STXBP5L: variants seen among roughly 807,000 people sequenced by gnomAD.
STXBP5L encodes syntaxin binding protein 5L.
STXBP5L carries 65 observed loss-of-function variants against 144.5 expected under a neutral mutation model. The ratio of observed to expected loss-of-function variants is 0.45; its 90% CI spans 0.37 to 0.55. STXBP5L has a LOEUF of 0.55. STXBP5L is among the 20% of genes least tolerant of loss of function. STXBP5L has a pLI of 0.00. For missense variants in STXBP5L, 1,298 were observed against 1,405.5 expected, an observed-to-expected ratio of 0.92 and a Z score of 1.22; for synonymous variants, 505 against 469.6, an observed-to-expected ratio of 1.08 and a Z score of -0.97.
chr3:121,405,031 T>G (rs757862656), intron 22 of STXBP5L, among the ~76,000 whole-genome samples: 2 of 152,132 alleles, frequency 1.3e-5, no homozygotes, highest in Non-Finnish European at 2.9e-5. Context: ...CTTTCCTTTG[T>G]GTACACATAG....
intron 20 of STXBP5L, among the ~76,000 whole-genome samples, chr3:121,345,643 T>C (rs982890231): frequency 1.2e-4 from 18 of 152,214 alleles, no homozygotes; most frequent in Admixed American, 3.9e-4. Context: ...AAAGCGTGCC[T>C]ATTTCTCCAC....
At chr3:121,058,442 G>A (rs1948603453) in intron 5 of STXBP5L, among the ~76,000 whole-genome samples, 2 of 152,106 alleles carry the variant, frequency 1.3e-5, no homozygotes, top group Non-Finnish European at 2.9e-5. Context: ...GCATGCATGT[G>A]CATGTGTCTT....
At chr3:120,932,846 A>G (rs1576439919) in intron 2 of STXBP5L, among the ~76,000 whole-genome samples, 1 of 152,084 alleles carries the variant, frequency 6.6e-6, no homozygotes. Flanking sequence ...GCACATATAC[A>G]CCATGGAATA....
At chr3:121,293,040 T>A (rs535997941) in intron 19 of STXBP5L, among the ~76,000 whole-genome samples, 17 of 152,076 alleles carry the variant, frequency 1.1e-4, no homozygotes, top group Admixed American at 3.3e-4. Flanking sequence ...GAAAAAAAAA[T>A]TTTAAATTTT....
chr3:121,200,414 C>A (rs1334484981), intron 9 of STXBP5L, among the ~76,000 whole-genome samples: 5 of 152,002 alleles, frequency 3.3e-5, no homozygotes, highest in Non-Finnish European at 7.4e-5. Context: ...TTTTGTTAAG[C>A]TTTTCAAAAA....
At chr3:121,396,842 G>A (rs965607254) in intron 22 of STXBP5L, among the ~76,000 whole-genome samples, 1 of 152,162 alleles carries the variant, frequency 6.6e-6, no homozygotes, top group South Asian at 2.1e-4. Flanking sequence ...ATGTAAAAAG[G>A]GTGCATTCTA....
At chr3:121,370,222 G>A (rs924684075) in intron 20 of STXBP5L, among the ~76,000 whole-genome samples, 1 of 152,106 alleles carries the variant, frequency 6.6e-6, no homozygotes, top group African/African-American at 2.4e-5. Flanking sequence ...AAAAAAATTA[G>A]CCAGGCATGA....
chr3:121,005,261 C>T (rs917272560), intron 3 of STXBP5L, among the ~76,000 whole-genome samples: 4 of 152,110 alleles, frequency 2.6e-5, no homozygotes, highest in East Asian at 1.9e-4. Context: ...TATTCAACTT[C>T]TTCCTTATTT....
At chr3:121,330,638 C>T (rs1052280762) in intron 20 of STXBP5L, among the ~76,000 whole-genome samples, 1 of 152,156 alleles carries the variant, frequency 6.6e-6, no homozygotes, top group Admixed American at 6.5e-5. Context: ...CCACCATTAC[C>T]ACCACAGCTG....
At chr3:121,081,271 T>A (rs1017382404) in intron 5 of STXBP5L, among the ~76,000 whole-genome samples, 3 of 152,176 alleles carry the variant, frequency 2.0e-5, no homozygotes, top group Admixed American at 2.0e-4. Context: ...TTTAAAAAAT[T>A]TCTTTGTGTT....
rs10717806 is a variant in STXBP5L, at chr3:121,194,909, CTTTTTTTTTTT to C, written c.878-10999_878-10989del. On this transcript the variant is annotated intron_variant, in intron 9 of 26. Transcript: ENST00000471454. The stretch of plus-strand genomic sequence containing the variant: ...TCTGAGATAGGTCCCTCTTTTCACT[CTTTTTTTTTTT>C]TTTTTTTTTTTTTTGAGATGAAGTC... 2.6e-4 allele frequency among the ~76,000 whole-genome samples: 18 copies of C among 68,496 alleles called. No homozygotes were observed. The South Asian group carries it at 9.9e-3, about 38-fold the overall frequency. 44.9% of individuals were successfully genotyped at this position (68,496 alleles called of 152,430 possible).
chr3:121,070,566 A>G (rs1382970968), intron 5 of STXBP5L, among the ~76,000 whole-genome samples: 5 of 151,968 alleles, frequency 3.3e-5, no homozygotes, highest in African/African-American at 9.7e-5. Flanking sequence ...CTCGACACAA[A>G]TGTAGATTAG....
At chr3:121,073,774 A>G (rs1464322230) in intron 5 of STXBP5L, among the ~76,000 whole-genome samples, 4 of 152,152 alleles carry the variant, frequency 2.6e-5, no homozygotes, top group Non-Finnish European at 2.9e-5. Context: ...GTAATTTGGA[A>G]TCCAAATGTG....
chr3:121,087,582 C>A (rs2042558581), intron 5 of STXBP5L, among the ~76,000 whole-genome samples: 1 of 151,912 alleles, frequency 6.6e-6, no homozygotes, highest in Non-Finnish European at 1.5e-5. Flanking sequence ...AAGTGTATTT[C>A]TTATAGACAA....
rs1409176812 is a variant in STXBP5L, at chr3:121,250,538, G to A, written c.1401-185G>A. ...TTCTTTTTCTAATCTTTAGATTTTA[G>A]TATATTGTTTAAGAAATGAGCCATT... is the stretch of plus-strand genomic sequence containing the variant. On this transcript the variant is annotated intron_variant, in intron 14 of 26. Coordinates refer to ENST00000471454, the MANE Select transcript of STXBP5L (RefSeq NM_001308330.2). Among the ~76,000 whole-genome samples the A allele has an allele frequency of 3.3e-5, 5 of 151,994 alleles. No homozygotes were observed. The South Asian group carries it at 1.0e-3, about 32-fold the overall frequency.
At chr3:120,937,986 TC>T (rs1170883059) in intron 2 of STXBP5L, among the ~76,000 whole-genome samples, 1 of 152,114 alleles carries the variant, frequency 6.6e-6, no homozygotes, top group African/African-American at 2.4e-5. Flanking sequence ...TTAAGATGTA[TC>T]CAGCATTCTT....
intron 18 of STXBP5L, among the ~76,000 whole-genome samples, chr3:121,263,175 C>T (rs983118873): frequency 6.6e-6 from 1 of 152,204 alleles, no homozygotes; most frequent in Non-Finnish European, 1.5e-5. Flanking sequence ...CCCAGGCAAA[C>T]AGGTTCTGGA....
intron 9 of STXBP5L, among the ~76,000 whole-genome samples, chr3:121,168,901 G>A (rs1577102491): frequency 6.6e-6 from 1 of 152,196 alleles, no homozygotes; most frequent in East Asian, 1.9e-4. Context: ...ATTTACCAAG[G>A]TTAAAATGAA....
intron 20 of STXBP5L, among the ~76,000 whole-genome samples, chr3:121,324,785 A>G (rs1250218766): frequency 6.6e-6 from 1 of 152,094 alleles, no homozygotes; most frequent in East Asian, 1.9e-4. Flanking sequence ...GGAATCCCTA[A>G]GGCTTTTGTG....
Sources: allele counts gnomAD v4.1 joint callset (sites outside exome capture counted in the v4.1 genomes callset), GRCh38; gene constraint gnomAD v4.1.1; transcripts MANE v1.5; gene names NCBI Gene and HGNC (gene_info 2026-07-23, HGNC 2026-07-21).